RRP1: variants seen among roughly 807,000 people sequenced by gnomAD.
The protein encoded by RRP1 is ribosomal RNA processing protein 1 homolog A.
In RRP1, 37 loss-of-function variants were observed where a neutral mutation model predicts 54.6. The ratio of observed to expected loss-of-function variants is 0.68; its 90% CI spans 0.52 to 0.89. The LOEUF (loss-of-function observed/expected upper bound fraction) is 0.89. RRP1 is among the 40% of genes least tolerant of loss of function. The pLI is 0.00. For missense variants in RRP1, 639 were observed against 612.5 expected, an observed-to-expected ratio of 1.04 and a Z score of -0.46; for synonymous variants, 262 against 244.3, an observed-to-expected ratio of 1.07 and a Z score of -0.67.
chr21:43,789,649 TC>T lies in RRP1; in HGVS notation c.23del (p.Pro8ArgfsTer16). On this transcript the variant is annotated frameshift_variant, in exon 1 of 13. Transcript: ENST00000497547. LOFTEE classifies it high-confidence loss of function. MVSRVQLPPEIQLAQRL... is the reference protein window; with the variant it reads MVSRVQXPPEIQLAQRL... ...GGCGTCATGGTTTCGCGCGTGCAGC[TC>T]CCGCCTGAGATCCAGCTGGCTCAGC... The T allele has an allele frequency of 6.3e-7, 1 of 1,583,654 alleles. No homozygotes were observed. Among genetic ancestry groups the T allele is most frequent in the Admixed American group, 1.8e-5 (1 of 56,716 alleles).
intron 8 of RRP1, 82 bp from the exon 9 acceptor site, chr21:43,799,488 G>A (rs573228219): frequency 1.4e-5 from 14 of 994,752 alleles, no homozygotes; most frequent in East Asian, 7.7e-5. Flanking sequence ...CAGGGTGCAC[G>A]GAGCGGGCTC....
intron 8 of RRP1, among the ~76,000 whole-genome samples, chr21:43,798,318 C>A (rs1280870616): frequency 6.6e-6 from 1 of 152,150 alleles, no homozygotes; most frequent in African/African-American, 2.4e-5. Context: ...TCCACGCCCT[C>A]TCCGGACCCC....
intron 4 of RRP1, 29 bp downstream of exon 4, chr21:43,793,433 C>G (rs754904111): frequency 5.6e-6 from 9 of 1,595,278 alleles, no homozygotes; most frequent in South Asian, 5.5e-5. Flanking sequence ...TGCCGGCGGG[C>G]GGGGGCAGCG....
intron 4 of RRP1, among the ~76,000 whole-genome samples, chr21:43,794,683 C>G (rs1184703478): frequency 6.6e-6 from 1 of 152,164 alleles, no homozygotes; most frequent in Non-Finnish European, 1.5e-5. Flanking sequence ...ATTGTTGATT[C>G]ACGGGTGAGG....
chr21:43,798,816 G>T (rs2085051787), intron 8 of RRP1, among the ~76,000 whole-genome samples: 1 of 152,110 alleles, frequency 6.6e-6, no homozygotes, highest in African/African-American at 2.4e-5. Flanking sequence ...TGCTGTGGAG[G>T]GCATGTCTTT....
At chr21:43,792,049 C>T (rs2084965426) in intron 2 of RRP1, among the ~76,000 whole-genome samples, 1 of 152,200 alleles carries the variant, frequency 6.6e-6, no homozygotes, top group Non-Finnish European at 1.5e-5. Flanking sequence ...ATTCAAGTCT[C>T]CTGAGACAAG....
chr21:43,798,217 T>C (rs73379037), intron 8 of RRP1, 117 bp downstream of exon 8: 55,985 of 825,882 alleles, frequency 0.068, 2,337 homozygotes, highest in South Asian at 0.15. Context: ...TCTGCCCCTC[T>C]CCACAGTCCA....
Position 43,802,263 on chromosome 21 carries a change from C to T in RRP1, c.1010-11C>T. On this transcript the variant is annotated splice_polypyrimidine_tract_variant and intron_variant, in intron 11 of 12. Coordinates refer to ENST00000497547, the MANE Select transcript of RRP1 (RefSeq NM_003683.6). ...CCCCGAGAGCCCCCTGACTTCTGCC[C>T]TGGTTCTCAGGCATTTTCCCTGAAG... 1 of 1,609,250 alleles carries T rather than the reference C, an allele frequency of 6.2e-7. No homozygotes were observed. Among genetic ancestry groups the T allele is most frequent in the African/African-American group, 1.3e-5 (1 of 74,896 alleles).
Position 43,797,638 on chromosome 21 carries a change from C to A in RRP1, c.560C>A (p.Ala187Glu). 1 of 1,614,192 alleles carries A rather than the reference C, an allele frequency of 6.2e-7. No individual in the cohort carries two copies. The highest frequency in any genetic ancestry group is 8.5e-7 in the Non-Finnish European group (1 of 1,180,048). ...LTKVGAEELT[A>E]DQNLKFIDPF... ...CGCTGGCTTTCCCCGTAGCTTACGG[C>A]AGACCAGAACCTGAAGTTCATCGAC... The change falls in exon 7 of 13, where the codon GCA becomes GAA. Residue 187 changes from alanine to glutamate, a missense_variant. Ala to Glu is a moderately radical substitution (Grantham distance 107, BLOSUM62 -1). Transcript: ENST00000497547.
rs749788511 is a variant in RRP1, at chr21:43,795,209, C to T, written c.381C>T (p.Asn127=). 30 of 1,614,032 alleles carry T rather than the reference C, an allele frequency of 1.9e-5. No homozygotes were observed. Among genetic ancestry groups the T allele is most frequent in the Middle Eastern group, 1.6e-4 (1 of 6,062 alleles). The change falls in exon 5 of 13, where the codon AAC becomes AAT. Residue 127 remains asparagine, a synonymous_variant. Transcript: ENST00000497547. ...CAAAGCTCATGCGGATGGTCCTGAA[C>T]GAGTCCTTGAAGGTTCTGAAGATGC... ...KFYMLMRMVL[N]ESLKVLKMQG...
In RRP1 at chr21:43,803,659, G is replaced by A; in HGVS notation, c.1271G>A (p.Gly424Asp). Reference protein sequence around the residue: ...ERALLRDQPRGRGQRGARQRR... With the variant: ...ERALLRDQPRDRGQRGARQRR... ...GCCCTGCTCCGAGATCAGCCCAGGG[G>A]CCGTGGCCAGAGAGGGGCTCGCCAG... Residue 424 changes from glycine (G) to aspartate (D), a missense_variant, in exon 13 of 13, where the codon GGC becomes GAC. By Grantham distance (94) the Gly-to-Asp change is moderately conservative. Coordinates refer to ENST00000497547, the MANE Select transcript of RRP1 (RefSeq NM_003683.6). The A allele has an allele frequency of 1.9e-6, 3 of 1,551,612 alleles. No homozygotes were observed. Among genetic ancestry groups the A allele is most frequent in the Non-Finnish European group, 2.6e-6 (3 of 1,148,026 alleles).
At chr21:43,797,254 G>A (rs906272299) in intron 5 of RRP1, 168 bp from the exon 6 acceptor site, 1 of 1,160,326 alleles carries the variant, frequency 8.6e-7, no homozygotes, top group Admixed American at 2.9e-5. Flanking sequence ...AGGAGACCTA[G>A]GATCGTTGAT....
chr21:43,795,177 T>C lies in RRP1; in HGVS notation c.361-12T>C, dbSNP rs758444319. 1.2e-5 allele frequency: 19 copies of C among 1,613,808 alleles called. No individual in the cohort carries two copies. Among genetic ancestry groups the C allele is most frequent in the Non-Finnish European group, 1.6e-5 (19 of 1,179,764 alleles). ...GGGCTTCTGCTAATGCCAACCTCCT[T>C]CTGTGTCAAAGCTCATGCGGATGGT... On this transcript the variant is annotated splice_polypyrimidine_tract_variant and intron_variant, in intron 4 of 12. Transcript: ENST00000497547.
At chr21:43,799,470 GCTCCGACCAGGGTGCA>G (rs2085060423) in intron 8 of RRP1, 84 bp from the exon 9 acceptor site, 2 of 1,268,806 alleles carry the variant, frequency 1.6e-6, no homozygotes, top group South Asian at 2.5e-5. Flanking sequence ...CTGTGCCCGT[GCTCCGACCAGGGTGCA>G]CGGAGCGGGC....
chr21:43,799,447 G>T, intron 8 of RRP1, 123 bp from the exon 9 acceptor site: 1 of 989,698 alleles, frequency 1.0e-6, no homozygotes, highest in Non-Finnish European at 1.5e-6. Flanking sequence ...GTCCGTTCCC[G>T]GGTGTTTCCC....
rs752030642 is a variant in RRP1, at chr21:43,797,551, G to C, written c.552G>C (p.Glu184Asp). ...AGCTGACCAAAGTGGGCGCCGAGGA[G>C]GTGAGGCTGGGCTCCGACGGGGCGG... ...LEELTKVGAE[E>D]LTADQNLKFI... The change falls in exon 6 of 13, where the codon GAG (glutamate) becomes GAC (aspartate). Residue 184 changes from glutamate (E) to aspartate (D), a missense_variant and splice_region_variant. By Grantham distance (45) the Glu-to-Asp change is conservative. Coordinates refer to ENST00000497547, the MANE Select transcript of RRP1 (RefSeq NM_003683.6). 1 of 1,614,032 alleles carries C rather than the reference G, an allele frequency of 6.2e-7. No homozygotes were observed. Among genetic ancestry groups the C allele is most frequent in the Non-Finnish European group, 8.5e-7 (1 of 1,179,902 alleles).
intron 11 of RRP1, among the ~76,000 whole-genome samples, chr21:43,801,296 C>T (rs1482484857): frequency 1.3e-5 from 2 of 152,144 alleles, no homozygotes; most frequent in Non-Finnish European, 2.9e-5. Context: ...CTGGTGTTTC[C>T]TTATGAAAAG....
intron 7 of RRP1, 38 bp downstream of exon 7, chr21:43,797,733 A>G: frequency 6.2e-7 from 1 of 1,608,540 alleles, no homozygotes; most frequent in Non-Finnish European, 8.5e-7. Context: ...CGACTCCTTC[A>G]CTGAGTTCTT....
intron 12 of RRP1, among the ~76,000 whole-genome samples, chr21:43,802,652 C>G (rs1373861704): frequency 1.3e-5 from 2 of 152,210 alleles, no homozygotes; most frequent in African/African-American, 4.8e-5. Flanking sequence ...GAGACATCCT[C>G]CTGGCTGGGC....
Sources: gnomAD v4.1 joint callset for allele counts (sites outside exome capture counted in the v4.1 genomes callset) on GRCh38, gnomAD v4.1.1 for gene constraint, MANE v1.5 for transcripts, NCBI Gene and HGNC (gene_info 2026-07-23, HGNC 2026-07-21) for gene names.